LAMA3: variants seen among roughly 807,000 people sequenced by gnomAD.
The protein encoded by LAMA3 is laminin subunit alpha-3.
A neutral mutation model predicts 402.0 loss-of-function variants in LAMA3; 281 were observed. The ratio of observed to expected loss-of-function variants is 0.70; its 90% CI spans 0.63 to 0.77. The LOEUF (loss-of-function observed/expected upper bound fraction) is 0.77. Among genes scored for constraint, LAMA3 ranks in the 30% least tolerant of loss-of-function variants. The probability of loss-of-function intolerance (pLI) is 0.00; values close to 1 mark genes in which losing one functional copy is unlikely to be tolerated. For synonymous variants in LAMA3, 1,431 were observed against 1,558.4 expected (o/e 0.92, Z 1.93); for missense variants, 3,840 against 4,215.5 (o/e 0.91, Z 2.47).
intron 67 of LAMA3, among the ~76,000 whole-genome samples, chr18:23,936,121 T>G (rs1314285116): frequency 2.6e-5 from 4 of 151,910 alleles, no homozygotes; most frequent in Non-Finnish European, 5.9e-5. Context: ...GTCTAAGAGG[T>G]TAAAAAAAAA....
At chr18:23,800,855 G>A (rs569590898) in intron 12 of LAMA3, among the ~76,000 whole-genome samples, 1 of 152,164 alleles carries the variant, frequency 6.6e-6, no homozygotes, top group Non-Finnish European at 1.5e-5. Flanking sequence ...ATAAGTGACA[G>A]GATTTCATTC....
intron 39 of LAMA3, 45 bp downstream of exon 39, chr18:23,876,452 C>A: frequency 8.0e-7 from 1 of 1,248,478 alleles, no homozygotes; most frequent in South Asian, 1.2e-5. Context: ...CAATCTGTTT[C>A]TCCTCCATTC....
intron 8 of LAMA3, among the ~76,000 whole-genome samples, chr18:23,770,740 G>A (rs191930234): frequency 0.01 from 1,558 of 152,166 alleles, 34 homozygotes; most frequent in African/African-American, 0.036. Flanking sequence ...CAGCCTGGGC[G>A]ACAGAGCGAG....
intron 2 of LAMA3, among the ~76,000 whole-genome samples, chr18:23,746,674 T>C (rs1455055431): frequency 6.6e-6 from 1 of 152,102 alleles, no homozygotes; most frequent in Admixed American, 6.5e-5. Context: ...GAATTAATAG[T>C]ATATCTAAAA....
intron 8 of LAMA3, among the ~76,000 whole-genome samples, chr18:23,769,007 C>T (rs77928774): frequency 0.066 from 9,982 of 152,180 alleles, 476 homozygotes; most frequent in Non-Finnish European, 0.098. Flanking sequence ...CGAAGAAGGG[C>T]GACAAGGGTC....
intron 11 of LAMA3, chr18:23,781,217 C>T (rs2062430439): frequency 2.3e-6 from 1 of 438,960 alleles, no homozygotes; most frequent in African/African-American, 2.0e-5. Flanking sequence ...TAAAAACGTT[C>T]CCTTTCCCTG....
rs554360343 is a variant in LAMA3, at chr18:23,829,481, C to G, written c.2823+2014C>G. 1.1e-4 allele frequency among the ~76,000 whole-genome samples: 17 copies of G among 152,278 alleles called. No homozygotes were observed. In the South Asian group the frequency reaches 2.5e-3, roughly 22 times the overall value. On this transcript the variant is annotated intron_variant, in intron 23 of 74. Coordinates refer to ENST00000313654, the MANE Select transcript of LAMA3 (RefSeq NM_198129.4). ...GTCCACTGGATCCTTAGCCCAGGAGCAGGCATTACAGTGTGCCTTCTCTAT... is the reference window on the plus strand; with the variant it reads ...GTCCACTGGATCCTTAGCCCAGGAGGAGGCATTACAGTGTGCCTTCTCTAT...
intron 2 of LAMA3, among the ~76,000 whole-genome samples, chr18:23,727,110 T>C (rs2061313404): frequency 1.3e-5 from 2 of 152,208 alleles, no homozygotes; most frequent in African/African-American, 4.8e-5. Context: ...TTATATATTA[T>C]TGTTTTTGTT....
chr18:23,940,619 A>G (rs1203526152), intron 68 of LAMA3, among the ~76,000 whole-genome samples: 1 of 152,168 alleles, frequency 6.6e-6, no homozygotes, highest in Admixed American at 6.5e-5. Flanking sequence ...GCTTATAAGG[A>G]GGCTGGCCCT....
intron 30 of LAMA3, among the ~76,000 whole-genome samples, chr18:23,845,628 A>G (rs2063797350): frequency 1.3e-5 from 2 of 152,112 alleles, no homozygotes; most frequent in African/African-American, 2.4e-5. Flanking sequence ...TCTTCTGTGG[A>G]CCCACCCTTT....
rs2062773944 is a variant in LAMA3 at position 23,796,932 on chromosome 18, C to CT, written c.1603+12776dup. Among the ~76,000 whole-genome samples, 9 of 152,288 alleles carry CT rather than the reference C, an allele frequency of 5.9e-5. No individual in the cohort carries two copies. In the South Asian group the frequency reaches 1.9e-3, roughly 32 times the overall value. On this transcript the variant is annotated intron_variant, in intron 12 of 74. Coordinates refer to ENST00000313654, the MANE Select transcript of LAMA3 (RefSeq NM_198129.4). ...CACCGGAAGCATGAGAGGGAAAAGA[C>CT]TATCAAGCCTCTCAGAGAGGGACTG...
At position 23,894,363 on chromosome 18, in the gene LAMA3, C is replaced by T; in HGVS notation, c.5461+15C>T. ...AGAATGTGATGGTGAGAAAAGAAAGCCCCTCCTCCTCCTTTCCAAGTTGTG... is the reference window on the plus strand; with the variant it reads ...AGAATGTGATGGTGAGAAAAGAAAGTCCCTCCTCCTCCTTTCCAAGTTGTG... On this transcript the variant is annotated intron_variant, in intron 43 of 74. Transcript: ENST00000313654. 7 of 1,607,928 alleles carry T rather than the reference C, an allele frequency of 4.4e-6. No homozygotes were observed. Among genetic ancestry groups the T allele is most frequent in the Non-Finnish European group, 6.0e-6 (7 of 1,174,344 alleles).
chr18:23,819,790 A>G, intron 18 of LAMA3, 51 bp from the exon 19 acceptor site: 1 of 1,504,732 alleles, frequency 6.6e-7, no homozygotes, highest in Non-Finnish European at 9.3e-7. Context: ...AGATGTTCAG[A>G]TGATCTATGG....
chr18:23,869,025 CA>C (rs533599045), intron 37 of LAMA3, among the ~76,000 whole-genome samples: 2 of 151,818 alleles, frequency 1.3e-5, no homozygotes, highest in African/African-American at 2.4e-5. Flanking sequence ...CTATAAGACA[CA>C]AAAAAAGTAT....
At chr18:23,827,057 C>T (rs1046915760) in intron 22 of LAMA3, among the ~76,000 whole-genome samples, 2 of 152,210 alleles carry the variant, frequency 1.3e-5, no homozygotes. Flanking sequence ...TCAATGCCCT[C>T]AAGGTCAGTC....
At chr18:23,817,170 A>G (rs575542014) in intron 18 of LAMA3, among the ~76,000 whole-genome samples, 1 of 152,116 alleles carries the variant, frequency 6.6e-6, no homozygotes, top group African/African-American at 2.4e-5. Flanking sequence ...GGAGCGAGGG[A>G]ATGAGGTGGA....
At chr18:23,781,851 TG>T (rs2062444416) in intron 11 of LAMA3, among the ~76,000 whole-genome samples, 1 of 152,248 alleles carries the variant, frequency 6.6e-6, no homozygotes, top group South Asian at 2.1e-4. Context: ...GTGCCTTTGC[TG>T]GAAACAGTCA....
chr18:23,752,287 C>A (rs2061766267), intron 5 of LAMA3, among the ~76,000 whole-genome samples: 1 of 152,072 alleles, frequency 6.6e-6, no homozygotes, highest in African/African-American at 2.4e-5. Flanking sequence ...TGCCCTGGAG[C>A]ACTGCCACAA....
Position 23,904,160 on chromosome 18 carries a change from CCCT to C in LAMA3, c.6473+76_6473+78del, listed in dbSNP as rs1311203374. On this transcript the variant is annotated intron_variant, in intron 50 of 74. Coordinates refer to ENST00000313654, the MANE Select transcript of LAMA3 (RefSeq NM_198129.4). ...GCAGCTTGTCCTGAGACAAGCAAGG[CCCT>C]CCCCTGGGTTGGCTGGGTCTCCAGA... is the stretch of plus-strand genomic sequence containing the variant. The C allele has an allele frequency of 2.2e-5, 34 of 1,571,146 alleles. No homozygotes were observed. In the African/African-American group the frequency reaches 4.5e-4, roughly 21 times the overall value.
Sources: gnomAD v4.1 joint callset for allele counts (sites outside exome capture counted in the v4.1 genomes callset) on GRCh38, gnomAD v4.1.1 for gene constraint, MANE v1.5 for transcripts, NCBI Gene and HGNC (gene_info 2026-07-23, HGNC 2026-07-21) for gene names.